GRIK4: variants seen among roughly 807,000 people sequenced by gnomAD.
GRIK4 encodes glutamate ionotropic receptor kainate type subunit 4.
Under a neutral mutation model 104.9 loss-of-function variants are expected in GRIK4, and 40 were observed. The ratio of observed to expected loss-of-function variants is 0.38; its 90% CI spans 0.30 to 0.50. The LOEUF is 0.50. Among genes scored for constraint, GRIK4 ranks in the 20% least tolerant of loss-of-function variants. The pLI, the probability that GRIK4 is intolerant of heterozygous loss-of-function variation, is 0.93. For missense variants in GRIK4, 1,047 were observed against 1,308.1 expected (o/e 0.80, Z 3.08); for synonymous variants, 485 against 524.9 (o/e 0.92, Z 1.04).
chr11:120,897,601 CAAAAAAAAAAAAAAA>C (rs56807699), intron 11 of GRIK4, among the ~76,000 whole-genome samples: 1 of 13,066 alleles, frequency 7.7e-5, no homozygotes, highest in Non-Finnish European at 1.7e-4. Flanking sequence ...GACTCCTTCT[CAAAAAAAAAAAAAAA>C]AAAAAAAAAA....
intron 6 of GRIK4, among the ~76,000 whole-genome samples, chr11:120,824,706 C>T (rs1321070207): frequency 7.3e-5 from 11 of 151,636 alleles, no homozygotes; most frequent in Non-Finnish European, 1.3e-4. Flanking sequence ...TGCACCACCA[C>T]GCCTGGCTAA....
At chr11:120,811,429 G>A (rs2135526936) in intron 4 of GRIK4, among the ~76,000 whole-genome samples, 1 of 152,272 alleles carries the variant, frequency 6.6e-6, no homozygotes, top group African/African-American at 2.4e-5. Flanking sequence ...AATGGGTGGA[G>A]CTGTTGAATC....
chr11:120,783,098 C>T (rs979045263), intron 3 of GRIK4, among the ~76,000 whole-genome samples: 3 of 152,228 alleles, frequency 2.0e-5, no homozygotes, highest in South Asian at 4.1e-4. Flanking sequence ...CCTAGCGATG[C>T]TGCTGAACTC....
chr11:120,840,267 T>G (rs1002950858), intron 8 of GRIK4, among the ~76,000 whole-genome samples: 1 of 152,104 alleles, frequency 6.6e-6, no homozygotes, highest in East Asian at 1.9e-4. Flanking sequence ...AGTATGGAGA[T>G]GAAGGCACAC....
At chr11:120,678,213 C>T (rs1950132333) in intron 3 of GRIK4, among the ~76,000 whole-genome samples, 1 of 152,180 alleles carries the variant, frequency 6.6e-6, no homozygotes, top group African/African-American at 2.4e-5. Context: ...GGGCAGACCC[C>T]ACACCTCATC....
chr11:120,857,667 C>G (rs1457211559), intron 8 of GRIK4, among the ~76,000 whole-genome samples: 2 of 152,194 alleles, frequency 1.3e-5, no homozygotes, highest in Non-Finnish European at 2.9e-5. Context: ...TTTACACCTT[C>G]TGGAGGTGTG....
chr11:120,598,525 T>C (rs1948837810), intron 1 of GRIK4, among the ~76,000 whole-genome samples: 1 of 152,214 alleles, frequency 6.6e-6, no homozygotes. Context: ...TCCCACCATA[T>C]GACAAATCTC....
At chr11:120,568,295 T>C (rs1465861510) in intron 1 of GRIK4, among the ~76,000 whole-genome samples, 1 of 152,238 alleles carries the variant, frequency 6.6e-6, no homozygotes, top group African/African-American at 2.4e-5. Context: ...GTATCCTGCC[T>C]GAGTTGAGTT....
intron 1 of GRIK4, among the ~76,000 whole-genome samples, chr11:120,540,650 A>T (rs576111718): frequency 6.7e-6 from 1 of 148,650 alleles, no homozygotes; most frequent in South Asian, 2.1e-4. Context: ...AAAATAAAAA[A>T]CAAACAACAA....
intron 1 of GRIK4, among the ~76,000 whole-genome samples, chr11:120,594,714 T>G (rs1368697180): frequency 6.6e-6 from 1 of 152,186 alleles, no homozygotes; most frequent in Non-Finnish European, 1.5e-5. Context: ...GGTGGTATTT[T>G]CAGGGAAGGT....
At chr11:120,813,292 G>A (rs1952866641) in intron 4 of GRIK4, among the ~76,000 whole-genome samples, 1 of 152,144 alleles carries the variant, frequency 6.6e-6, no homozygotes, top group South Asian at 2.1e-4. Context: ...TCACGTCTCT[G>A]GGGTGCTGTG....
chr11:120,609,559 CT>C (rs1949006995), intron 1 of GRIK4, among the ~76,000 whole-genome samples: 1 of 87,692 alleles, frequency 1.1e-5, no homozygotes, highest in African/African-American at 4.5e-5. Flanking sequence ...CAGAGTTTTG[CT>C]CTGTTGCCCA....
At chr11:120,765,899 G>GA (rs1565339723) in intron 3 of GRIK4, among the ~76,000 whole-genome samples, 1 of 152,236 alleles carries the variant, frequency 6.6e-6, no homozygotes, top group Non-Finnish European at 1.5e-5. Context: ...CCCCTGCTGG[G>GA]AGGTGTCTCC....
At chr11:120,901,874 C>T (rs1331148785) in intron 12 of GRIK4, among the ~76,000 whole-genome samples, 2 of 152,142 alleles carry the variant, frequency 1.3e-5, no homozygotes, top group Admixed American at 6.5e-5. Context: ...CATACGTGCA[C>T]GTGCTCATGA....
intron 1 of GRIK4, among the ~76,000 whole-genome samples, chr11:120,526,591 G>A (rs957307010): frequency 6.6e-6 from 1 of 152,188 alleles, no homozygotes; most frequent in Non-Finnish European, 1.5e-5. Context: ...CTAGCATTTT[G>A]GGAGGATGAG....
At chr11:120,658,417 G>T (rs771248622) in intron 2 of GRIK4, among the ~76,000 whole-genome samples, 34 of 151,840 alleles carry the variant, frequency 2.2e-4, no homozygotes, top group Non-Finnish European at 3.1e-4. Context: ...AGAGTTAGTG[G>T]GTCATTAGGC....
At chr11:120,523,630 C>A (rs1268816228) in intron 1 of GRIK4, among the ~76,000 whole-genome samples, 1 of 152,222 alleles carries the variant, frequency 6.6e-6, no homozygotes, top group Non-Finnish European at 1.5e-5. Context: ...GTCCAGAGAA[C>A]CTGAGACACC....
rs563040237 is a variant in GRIK4 at position 120,984,879 on chromosome 11, G to A, written c.2515-1025G>A. On this transcript the variant is annotated intron_variant, in intron 20 of 20. Coordinates refer to ENST00000527524, the MANE Select transcript of GRIK4 (RefSeq NM_014619.5). ...AGTCTGTCGCCCAAGCTGGAATGGA[G>A]TGCAGTGGCAGGTATCTTGGCTCAC... is the stretch of plus-strand genomic sequence containing the variant. Among the ~76,000 whole-genome samples, 81 of 145,934 alleles carry A rather than the reference G, an allele frequency of 5.6e-4. 1 individual carries two copies. The highest frequency in any genetic ancestry group is 1.7e-3 in the African/African-American group (67 of 39,062).
chr11:120,528,312 A>C (rs879768594), intron 1 of GRIK4, among the ~76,000 whole-genome samples: 23 of 151,880 alleles, frequency 1.5e-4, no homozygotes, highest in South Asian at 2.1e-4. Context: ...GGGGTTTCAC[A>C]GTGTTAGCCA....
Sources: allele counts gnomAD v4.1 joint callset (sites outside exome capture counted in the v4.1 genomes callset), GRCh38; gene constraint gnomAD v4.1.1; transcripts MANE v1.5; gene names NCBI Gene and HGNC (gene_info 2026-07-23, HGNC 2026-07-21).